Variants in CFAP410 observed in about 807,000 individuals in gnomAD.
The protein encoded by CFAP410 is cilia- and flagella-associated protein 410.
In CFAP410, 27 loss-of-function variants were observed where a neutral mutation model predicts 25.7. That is an observed-to-expected ratio of 1.05 (90% CI 0.77 to 1.45). CFAP410 has a LOEUF of 1.45. Ranked by LOEUF, CFAP410 falls within the 40% of genes most tolerant of loss-of-function variation. The pLI, the probability that CFAP410 is intolerant of heterozygous loss-of-function variation, is 0.00. For synonymous variants in CFAP410, 178 were observed against 158.4 expected (o/e 1.12, Z -0.93); for missense variants, 428 against 354.1 (o/e 1.21, Z -1.67).
rs1568986091 is a variant in CFAP410, at chr21:44,331,853, C to CCT, written c.533_534dup (p.Glu179ArgfsTer14). 3.1e-6 allele frequency: 5 copies of CCT among 1,611,118 alleles called. No homozygotes were observed. Among genetic ancestry groups the CCT allele is most frequent in the Non-Finnish European group, 4.2e-6 (5 of 1,179,576 alleles). On this transcript the variant is annotated frameshift_variant, in exon 5 of 7. Transcript: ENST00000339818. LOFTEE classifies it high-confidence loss of function. ...GCCCTCCAGCCTCACGTTGCCTCCT[C>CCT]CTCGCTGTCCAGCGGGTCCCGGCCA...
At chr21:44,330,572 T>A in intron 6 of CFAP410, 1 of 1,549,644 alleles carries the variant, frequency 6.5e-7, no homozygotes, top group East Asian at 2.4e-5. Flanking sequence ...GGGCCCACAT[T>A]CCACAGACCA....
Position 44,333,099 on chromosome 21 carries a change from T to C in CFAP410, c.307A>G (p.Ser103Gly), listed in dbSNP as rs574215463. 3.1e-6 allele frequency: 5 copies of C among 1,609,854 alleles called. No homozygotes were observed. The highest frequency in any genetic ancestry group is 4.2e-6 in the Non-Finnish European group (5 of 1,178,734). Residue 103 changes from serine (S) to glycine (G), a missense_variant, in exon 4 of 7, where the codon AGC becomes GGC. Physicochemically the swap from Ser to Gly is moderately conservative, Grantham distance 56 (BLOSUM62 0). Transcript: ENST00000339818. ...ACGGTCATGCGGTAGCGGTGGGGGC[T>C]GGTGCCGCAGCACGGGTTCTCGGCC... ...WLAENPCCGT[S>G]PHRYRMTVLR...
chr21:44,334,655 G>A, intron 3 of CFAP410: 1 of 269,760 alleles, frequency 3.7e-6, no homozygotes. Flanking sequence ...AGGAAACTGA[G>A]GCACAGAGAG....
chr21:44,332,696 G>A (rs559619049), intron 4 of CFAP410: 16 of 322,766 alleles, frequency 5.0e-5, no homozygotes, highest in Middle Eastern at 9.2e-4. Flanking sequence ...TGACGCCCCC[G>A]CTCGCCATGG....
rs1324683990 is a variant in CFAP410, at chr21:44,337,623, A to G, written c.96+26T>C. 3.7e-6 allele frequency: 6 copies of G among 1,607,968 alleles called. No individual in the cohort carries two copies. The Admixed American group carries it at 8.4e-5, about 22-fold the overall frequency. ...GCTATTTGGAGATGATCAGTGCAAT[A>G]CTTACATCTGTGAGGCAATACTTAC... is the stretch of plus-strand genomic sequence containing the variant. On this transcript the variant is annotated intron_variant, in intron 2 of 6. Transcript: ENST00000339818.
intron 3 of CFAP410, 94 bp from the exon 4 acceptor site, chr21:44,333,356 C>T (rs995480793): frequency 3.2e-6 from 3 of 937,966 alleles, no homozygotes; most frequent in South Asian, 3.1e-5. Flanking sequence ...ACTCATGGGA[C>T]CTGTGTCCCT....
At chr21:44,331,435 G>A (rs889148267) in intron 5 of CFAP410, 12 of 257,158 alleles carry the variant, frequency 4.7e-5, no homozygotes, top group African/African-American at 2.5e-4. Context: ...CAGCCCTGTG[G>A]CCCCTCCACG....
At chr21:44,331,738 T>TC in intron 5 of CFAP410, 105 bp downstream of exon 5, 1 of 1,093,702 alleles carries the variant, frequency 9.1e-7, no homozygotes, top group Admixed American at 2.7e-5. Flanking sequence ...TCCCTGTCCC[T>TC]CACTTCCCAG....
rs2047596357 is a variant in CFAP410 at position 44,329,305 on chromosome 21, C to T, written c.*893G>A. The T allele has an allele frequency of 6.6e-6, 1 of 152,268 alleles. No individual in the cohort carries two copies. The highest frequency in any genetic ancestry group is 6.5e-5 in the Admixed American group (1 of 15,282). The allele number at this position is 152,268 out of a possible 1,614,324, so 9.4% of individuals were successfully genotyped here. A position where few individuals can be genotyped will look rare whatever the true frequency, so the allele number is the denominator to read the frequency against. Reference sequence around the variant, plus strand: ...CATGGAGATCTGGATCTCAACCCCACATGGGACAAGGGCCCAGGGACCTGG... The same window carrying T: ...CATGGAGATCTGGATCTCAACCCCATATGGGACAAGGGCCCAGGGACCTGG... On this transcript the variant is annotated 3_prime_UTR_variant, in exon 7 of 7. Coordinates refer to ENST00000339818, the MANE Select transcript of CFAP410 (RefSeq NM_004928.3).
chr21:44,330,974 C>A (rs531979406), intron 5 of CFAP410, 55 bp from the exon 6 acceptor site: 51 of 1,408,846 alleles, frequency 3.6e-5, no homozygotes, highest in Non-Finnish European at 4.7e-5. Context: ...ACCGGGGGGG[C>A]CTCTGCAAAC....
chr21:44,332,901 A>C, intron 4 of CFAP410, 132 bp downstream of exon 4: 1 of 656,382 alleles, frequency 1.5e-6, no homozygotes, highest in Non-Finnish European at 2.7e-6. Flanking sequence ...CCTCTGGAGG[A>C]GACTTCACAG....
chr21:44,334,389 C>T (rs557002784), intron 3 of CFAP410: 2 of 411,334 alleles, frequency 4.9e-6, no homozygotes. Context: ...ACAAGCTCCA[C>T]GTTTCCCTGT....
At chr21:44,330,510 T>C (rs1239400729) in intron 6 of CFAP410, 184 bp from the exon 7 acceptor site, 3 of 1,546,382 alleles carry the variant, frequency 1.9e-6, no homozygotes, top group Non-Finnish European at 1.7e-6. Flanking sequence ...TGTGGACGCG[T>C]GTGTGGCACC....
rs114140671 is a variant in CFAP410, at chr21:44,338,580, C to G, written c.77+538G>C. On this transcript the variant is annotated intron_variant, in intron 1 of 6. Transcript: ENST00000339818. ...GGAAAGCTCAGTTCTCTCTCCTATTCGACTTGGTCCCAGTGACTGCTGGCA... is the reference window on the plus strand; with the variant it reads ...GGAAAGCTCAGTTCTCTCTCCTATTGGACTTGGTCCCAGTGACTGCTGGCA... 9.0e-3 allele frequency: 1,909 copies of G among 210,964 alleles called. 46 individuals are homozygous for G. Among genetic ancestry groups the G allele is most frequent in the African/African-American group, 0.043 (1,785 of 41,664 alleles). The allele number at this position is 210,964 out of a possible 1,614,324, so 13.1% of individuals were successfully genotyped here.
chr21:44,332,225 T>C, intron 4 of CFAP410: 1 of 497,786 alleles, frequency 2.0e-6, no homozygotes, highest in Non-Finnish European at 3.5e-6. Context: ...CAACAGATGG[T>C]GGAGGGCTGC....
chr21:44,339,137 C>T lies in CFAP410; in HGVS notation c.58G>A (p.Val20Met), dbSNP rs1014370765. The change falls in exon 1 of 7, where the codon GTG (valine) becomes ATG (methionine). Residue 20 changes from valine to methionine, a missense_variant. Coordinates refer to ENST00000339818, the MANE Select transcript of CFAP410 (RefSeq NM_004928.3). ...TRAKASELHS[V>M]RKLNCWGSRL... ...CCTCACCAGCAGTTGAGCTTGCGCA[C>T]GCTGTGCAGCTCCGAGGCCTTGGCC... 5.5e-6 allele frequency: 8 copies of T among 1,465,132 alleles called. No homozygotes were observed. Among genetic ancestry groups the T allele is most frequent in the African/African-American group, 1.5e-5 (1 of 68,026 alleles). The allele number at this position is 1,465,132 out of a possible 1,614,324, so 90.8% of individuals were successfully genotyped here.
intron 5 of CFAP410, 105 bp downstream of exon 5, chr21:44,331,736 CCT>C: frequency 9.5e-7 from 1 of 1,056,080 alleles, no homozygotes; most frequent in Non-Finnish European, 1.4e-6. Context: ...AATCCCTGTC[CCT>C]CACTTCCCAG....
At chr21:44,335,825 C>G (rs766422381) in intron 2 of CFAP410, 21 bp from the exon 3 acceptor site, 1 of 1,575,316 alleles carries the variant, frequency 6.3e-7, no homozygotes, top group Non-Finnish European at 8.6e-7. Context: ...AAGAACATGA[C>G]TAGCAAGCAT....
intron 4 of CFAP410, chr21:44,332,240 G>A (rs1409352825): frequency 6.3e-6 from 3 of 473,176 alleles, no homozygotes; most frequent in South Asian, 3.9e-5. Flanking sequence ...GGCTGCTCAG[G>A]AATCTCAACA....
Sources: allele counts gnomAD v4.1 joint callset, GRCh38; gene constraint gnomAD v4.1.1; transcripts MANE v1.5; gene names NCBI Gene and HGNC (gene_info 2026-07-23, HGNC 2026-07-21).